Variants in CACHD1 observed in about 807,000 individuals in gnomAD.
CACHD1 encodes cache domain containing 1.
Under a neutral mutation model 138.7 loss-of-function variants are expected in CACHD1, and 71 were observed. The ratio of observed to expected loss-of-function variants is 0.51; its 90% CI spans 0.42 to 0.62. CACHD1 has a LOEUF of 0.62. CACHD1 is among the 20% of genes least tolerant of loss of function. CACHD1 has a pLI of 0.00. For missense variants in CACHD1, 1,389 were observed against 1,625.3 expected, an observed-to-expected ratio of 0.85 and a Z score of 2.50; for synonymous variants, 578 against 591.5, an observed-to-expected ratio of 0.98 and a Z score of 0.33.
At chr1:64,475,171 C>T (rs1570287676) in intron 1 of CACHD1, among the ~76,000 whole-genome samples, 2 of 124,284 alleles carry the variant, frequency 1.6e-5, no homozygotes, top group Admixed American at 9.5e-5. Flanking sequence ...AAATTCCTTC[C>T]TTTTTTTTTT....
At chr1:64,591,879 T>C (rs998238511) in intron 3 of CACHD1, among the ~76,000 whole-genome samples, 1 of 152,184 alleles carries the variant, frequency 6.6e-6, no homozygotes, top group Non-Finnish European at 1.5e-5. Flanking sequence ...CTCTCATCTT[T>C]CTTAGTTACT....
At chr1:64,579,670 T>C (rs922440009) in intron 2 of CACHD1, among the ~76,000 whole-genome samples, 3 of 152,088 alleles carry the variant, frequency 2.0e-5, no homozygotes, top group Non-Finnish European at 2.9e-5. Context: ...ATTTTAAAAA[T>C]AAGTATGTTT....
At chr1:64,554,459 C>T (rs1017410996) in intron 2 of CACHD1, among the ~76,000 whole-genome samples, 3 of 152,132 alleles carry the variant, frequency 2.0e-5, no homozygotes, top group Non-Finnish European at 4.4e-5. Context: ...TGAATAATGC[C>T]AGACTGCTTC....
chr1:64,512,484 C>T (rs1369197753), intron 1 of CACHD1, among the ~76,000 whole-genome samples: 6 of 150,838 alleles, frequency 4.0e-5, no homozygotes, highest in South Asian at 2.1e-4. Context: ...TTAACACTTC[C>T]TGCTGTTCCT....
chr1:64,680,511 C>T (rs1650139654), intron 24 of CACHD1, among the ~76,000 whole-genome samples: 1 of 152,000 alleles, frequency 6.6e-6, no homozygotes, highest in Non-Finnish European at 1.5e-5. Context: ...TCATCGAAGC[C>T]AAGTACAAAA....
chr1:64,615,304 G>A (rs1647672515), intron 4 of CACHD1, among the ~76,000 whole-genome samples: 2 of 152,176 alleles, frequency 1.3e-5, no homozygotes, highest in Non-Finnish European at 2.9e-5. Flanking sequence ...TGAAGAAAGG[G>A]AGGAAAGGAG....
chr1:64,575,624 G>C (rs977889651), intron 2 of CACHD1, among the ~76,000 whole-genome samples: 1 of 152,074 alleles, frequency 6.6e-6, no homozygotes, highest in Non-Finnish European at 1.5e-5. Flanking sequence ...ACTTTTCTAG[G>C]TTCAATAGGA....
chr1:64,551,538 T>C (rs1037164925), intron 2 of CACHD1, among the ~76,000 whole-genome samples: 1 of 152,212 alleles, frequency 6.6e-6, no homozygotes, highest in Non-Finnish European at 1.5e-5. Flanking sequence ...AACCAGAGTG[T>C]AGCAGACTGC....
chr1:64,658,306 A>G (rs1307340358), intron 12 of CACHD1, among the ~76,000 whole-genome samples: 7 of 152,232 alleles, frequency 4.6e-5, no homozygotes, highest in Admixed American at 2.6e-4. Context: ...CAGAACACTT[A>G]TTGCAAAACC....
At chr1:64,618,275 G>C (rs923285455) in intron 4 of CACHD1, among the ~76,000 whole-genome samples, 2 of 152,118 alleles carry the variant, frequency 1.3e-5, no homozygotes, top group African/African-American at 4.8e-5. Flanking sequence ...ACACAACTAA[G>C]AAGAGTGGTC....
In CACHD1 at chr1:64,555,096, C is replaced by T. The variant is rs967178745; in HGVS notation, c.261+4440C>T. 2.0e-5 allele frequency among the ~76,000 whole-genome samples: 3 copies of T among 152,210 alleles called. No individual in the cohort carries two copies. The Middle Eastern group carries it at 0.01, about 518-fold the overall frequency. On this transcript the variant is annotated intron_variant, in intron 2 of 26. Coordinates refer to ENST00000651257, the MANE Select transcript of CACHD1 (RefSeq NM_020925.4). ...CTCCACCTTTGGGGCTCAAGCATTCCTCCCGCTTCAGCCTCCCAAATAGCT... is the reference window on the plus strand; with the variant it reads ...CTCCACCTTTGGGGCTCAAGCATTCTTCCCGCTTCAGCCTCCCAAATAGCT...
chr1:64,570,861 G>A (rs1050350434), intron 2 of CACHD1, among the ~76,000 whole-genome samples: 2 of 151,952 alleles, frequency 1.3e-5, no homozygotes, highest in African/African-American at 4.8e-5. Context: ...ACTAAGTTGT[G>A]GGGGGCGGGC....
chr1:64,589,641 T>C (rs1450826567), intron 3 of CACHD1, among the ~76,000 whole-genome samples: 2 of 152,072 alleles, frequency 1.3e-5, no homozygotes, highest in African/African-American at 4.8e-5. Flanking sequence ...TAGGGAAATT[T>C]CTTCTTGCTT....
intron 1 of CACHD1, among the ~76,000 whole-genome samples, chr1:64,526,486 A>G (rs1646539789): frequency 6.6e-6 from 1 of 152,114 alleles, no homozygotes; most frequent in Non-Finnish European, 1.5e-5. Context: ...GCCTGCTATG[A>G]CTTGTTTTGG....
In CACHD1 at chr1:64,691,440, C is replaced by T. The variant is rs764193552; in HGVS notation, c.3704C>T (p.Pro1235Leu). 1.9e-5 allele frequency: 31 copies of T among 1,614,018 alleles called. No individual in the cohort carries two copies. Among genetic ancestry groups the T allele is most frequent in the Admixed American group, 5.0e-5 (3 of 59,994 alleles). ...GAGGACTTAGACCTGGATACCCCCC[C>T]TCAGACTGCTGCCCTACTAAGTCAC... is the stretch of plus-strand genomic sequence containing the variant. ...HDEDLDLDTP[P>L]QTAALLSHKF... The change falls in exon 27 of 27, where the codon CCT becomes CTT. Residue 1235 changes from proline to leucine, a missense_variant. This residue lies in a region of CACHD1 where 78 missense variants were observed against 76.9 expected (regional missense o/e 1.01). Coordinates refer to ENST00000651257, the MANE Select transcript of CACHD1 (RefSeq NM_020925.4).
chr1:64,548,811 AACT>A, intron 1 of CACHD1, among the ~76,000 whole-genome samples: 1 of 152,210 alleles, frequency 6.6e-6, no homozygotes, highest in Non-Finnish European at 1.5e-5. Flanking sequence ...TGTTATGTAA[AACT>A]TTTGATTTTC....
At chr1:64,562,409 CTTTT>C (rs55746551) in intron 2 of CACHD1, among the ~76,000 whole-genome samples, 81,474 of 109,596 alleles carry the variant, frequency 0.74, 30,633 homozygotes, top group South Asian at 0.87. Context: ...GCAGAATTTC[CTTTT>C]TTTTTTTTTT....
intron 1 of CACHD1, among the ~76,000 whole-genome samples, chr1:64,496,061 C>A (rs542090858): frequency 6.6e-6 from 1 of 152,158 alleles, no homozygotes; most frequent in East Asian, 1.9e-4. Context: ...TGTTTGCCAA[C>A]CTGGCCCATG....
At chr1:64,473,991 C>T (rs528530645) in intron 1 of CACHD1, among the ~76,000 whole-genome samples, 2 of 152,278 alleles carry the variant, frequency 1.3e-5, no homozygotes, top group East Asian at 3.9e-4. Context: ...GTTTGAAAAG[C>T]GTCTACCTTG....
Sources: allele counts gnomAD v4.1 joint callset (sites outside exome capture counted in the v4.1 genomes callset), GRCh38; gene constraint gnomAD v4.1.1; regional missense constraint gnomAD v4.1.1; transcripts MANE v1.5; gene names NCBI Gene and HGNC (gene_info 2026-07-23, HGNC 2026-07-21).